DDX60L: variants seen among roughly 807,000 people sequenced by gnomAD.
DDX60L encodes DExD/H-box 60 like, also known as probable ATP-dependent RNA helicase DDX60-like.
Under a neutral mutation model 211.6 loss-of-function variants are expected in DDX60L, and 191 were observed. That is an observed-to-expected ratio of 0.90 (90% CI 0.80 to 1.02). The LOEUF (loss-of-function observed/expected upper bound fraction) is 1.02. Among genes scored for constraint, DDX60L ranks in the 50% least tolerant of loss-of-function variants. The pLI is 0.00. For missense variants in DDX60L, 2,007 were observed against 1,984.1 expected, an observed-to-expected ratio of 1.01 and a Z score of -0.22; for synonymous variants, 706 against 694.1, an observed-to-expected ratio of 1.02 and a Z score of -0.27.
chr4:168,401,140 A>G (rs1746727799), intron 25 of DDX60L, among the ~76,000 whole-genome samples, 162 bp from the exon 26 acceptor site: 1 of 152,194 alleles, frequency 6.6e-6, no homozygotes, highest in African/African-American at 2.4e-5. Context: ...CCCGATGGGA[A>G]GTAGGGGTTC....
Position 168,420,283 on chromosome 4 carries a change from C to T in DDX60L, c.2492G>A (p.Cys831Tyr), listed in dbSNP as rs75529711. 1.2e-3 allele frequency: 1,896 copies of T among 1,603,576 alleles called. 11 individuals carry two copies. The African/African-American group carries it at 0.021, about 18-fold the overall frequency. Reference protein sequence around the residue: ...TLCGAFTRDYCHNVLNCQVLI... With the variant: ...TLCGAFTRDYYHNVLNCQVLI... Reference sequence around the variant, plus strand: ...TACCTGACAGTTTAGTACATTGTGACAATAATCTCTTGTAAAAGCACCGCA... The same window carrying T: ...TACCTGACAGTTTAGTACATTGTGATAATAATCTCTTGTAAAAGCACCGCA... The change falls in exon 18 of 38, where the codon TGT (cysteine) becomes TAT (tyrosine). Residue 831 changes from cysteine to tyrosine, a missense_variant. Physicochemically the swap from Cys to Tyr is radical, Grantham distance 194 (BLOSUM62 -2). Coordinates refer to ENST00000682922, the MANE Select transcript of DDX60L (RefSeq NM_001012967.3).
chr4:168,456,505 T>C (rs939985470), intron 6 of DDX60L, among the ~76,000 whole-genome samples: 6 of 152,124 alleles, frequency 3.9e-5, no homozygotes, highest in Non-Finnish European at 7.4e-5. Context: ...AAAACAAAAA[T>C]TAGCTTGTTA....
chr4:168,411,593 T>G (rs1188698031), intron 22 of DDX60L, among the ~76,000 whole-genome samples: 1 of 152,148 alleles, frequency 6.6e-6, no homozygotes, highest in Non-Finnish European at 1.5e-5. Context: ...TGGGTAATTC[T>G]GAAACTGGCA....
Position 168,449,652 on chromosome 4 carries a change from CA to C in DDX60L, c.997-874del. Among the ~76,000 whole-genome samples, 8 of 7,934 alleles carry C rather than the reference CA, an allele frequency of 1.0e-3. 1 individual carries two copies. The highest frequency in any genetic ancestry group is 1.8e-3 in the Non-Finnish European group (8 of 4,434). 5.2% of individuals were successfully genotyped at this position (7,934 alleles called of 152,430 possible). A position where few individuals can be genotyped will look rare whatever the true frequency, so the allele number is the denominator to read the frequency against. On this transcript the variant is annotated intron_variant, in intron 8 of 37. Coordinates refer to ENST00000682922, the MANE Select transcript of DDX60L (RefSeq NM_001012967.3). ...AACATTAAAACAAAAAAAAAAAATG[CA>C]AAAAAAAAAAAAGAAAAAAGAAAAA... is the stretch of plus-strand genomic sequence containing the variant.
At position 168,454,758 on chromosome 4, in the gene DDX60L, C is replaced by CTTTTTTTTTTTTTTTTT. The variant is rs767461447; in HGVS notation, c.837+1264_837+1280dup. On this transcript the variant is annotated intron_variant, in intron 7 of 37. Coordinates refer to ENST00000682922, the MANE Select transcript of DDX60L (RefSeq NM_001012967.3). ...GTGCTCCCGAAGAGTAAACAGCTTC[C>CTTTTTTTTTTTTTTTTT]TTTTTTTTTTTTTTTTTTTTTAGCA... Among the ~76,000 whole-genome samples, 249 of 88,614 alleles carry CTTTTTTTTTTTTTTTTT rather than the reference C, an allele frequency of 2.8e-3. 45 individuals carry two copies. The highest frequency in any genetic ancestry group is 0.011 in the African/African-American group (224 of 20,664). 58.1% of individuals were successfully genotyped at this position (88,614 alleles called of 152,430 possible).
intron 28 of DDX60L, among the ~76,000 whole-genome samples, chr4:168,391,972 C>A (rs566071645): frequency 6.6e-6 from 1 of 152,314 alleles, no homozygotes; most frequent in African/African-American, 2.4e-5. Context: ...CTTGTCCCCC[C>A]AAGACCTTAA....
At position 168,415,716 on chromosome 4, in the gene DDX60L, T is replaced by C. The variant is rs1176159161; in HGVS notation, c.2810A>G (p.Lys937Arg). The C allele has an allele frequency of 2.5e-6, 4 of 1,603,950 alleles. No homozygotes were observed. Among genetic ancestry groups the C allele is most frequent in the East Asian group, 4.5e-5 (2 of 44,428 alleles). ...EKCISEKQAD[K>R]CLNFLQDHSY... The stretch of plus-strand genomic sequence containing the variant: ...ATGGTCTTGGAGAAAGTTGAGACAT[T>C]TGTCAGCCTGTTTTTCAGAAATACA... The change falls in exon 21 of 38, where the codon AAA becomes AGA. Residue 937 changes from lysine (K) to arginine (R), a missense_variant. Physicochemically the swap from Lys to Arg is conservative, Grantham distance 26 (BLOSUM62 2). Coordinates refer to ENST00000682922, the MANE Select transcript of DDX60L (RefSeq NM_001012967.3).
chr4:168,396,041 A>G lies in DDX60L; in HGVS notation c.3575T>C (p.Leu1192Pro). 1.2e-6 allele frequency: 2 copies of G among 1,608,018 alleles called. No individual in the cohort carries two copies. Among genetic ancestry groups the G allele is most frequent in the Non-Finnish European group, 1.7e-6 (2 of 1,175,120 alleles). ...RAEYINFLEN[L>P]KILEISEDCT... ...GTCCTCAGAAATTTCCAGAATCTTC[A>G]GATTCTCCAGGAAATTAATATATTC... The change falls in exon 27 of 38, where the codon CTG (leucine) becomes CCG (proline). Residue 1192 changes from leucine (L) to proline (P), a missense_variant. Transcript: ENST00000682922.
chr4:168,438,244 C>A (rs904375220), intron 10 of DDX60L, among the ~76,000 whole-genome samples: 1 of 152,186 alleles, frequency 6.6e-6, no homozygotes, highest in African/African-American at 2.4e-5. Flanking sequence ...TACCTATAAT[C>A]TGTAAGCCCC....
At chr4:168,362,017 G>A (rs1041930535) in intron 36 of DDX60L, among the ~76,000 whole-genome samples, 1 of 152,230 alleles carries the variant, frequency 6.6e-6, no homozygotes, top group Non-Finnish European at 1.5e-5. Context: ...ACCCACTGGG[G>A]AAAAGGCAGA....
At chr4:168,452,197 A>G (rs1271966784) in intron 8 of DDX60L, among the ~76,000 whole-genome samples, 1 of 152,216 alleles carries the variant, frequency 6.6e-6, no homozygotes, top group Admixed American at 6.5e-5. Flanking sequence ...GACTGGTTTT[A>G]AAATGTCTAT....
Position 168,453,106 on chromosome 4 carries a change from TAAAC to T in DDX60L, c.996+14_996+17del, listed in dbSNP as rs766971875. On this transcript the variant is annotated intron_variant, in intron 8 of 37. Transcript: ENST00000682922. ...TCATCTCTCATGTTCAGACAAAAAA[TAAAC>T]AAAATATGTTTACCATTTTTAAGAA... The T allele has an allele frequency of 6.3e-7, 1 of 1,596,200 alleles. No homozygotes were observed. The highest frequency in any genetic ancestry group is 1.8e-5 in the Admixed American group (1 of 56,982).
At chr4:168,425,721 A>T (rs940291233) in intron 14 of DDX60L, among the ~76,000 whole-genome samples, 2 of 152,142 alleles carry the variant, frequency 1.3e-5, no homozygotes, top group Admixed American at 6.5e-5. Context: ...GTGAGCTAAG[A>T]TCACTCTACT....
rs1749445276 is a variant in DDX60L, at chr4:168,415,742, T to C, written c.2784A>G (p.Lys928=). 6.3e-7 allele frequency: 1 copy of C among 1,595,940 alleles called. No homozygotes were observed. The highest frequency in any genetic ancestry group is 1.1e-5 in the South Asian group (1 of 88,252). Residue 928 remains lysine (K), a synonymous_variant, in exon 21 of 38, where the codon AAA becomes AAG. Transcript: ENST00000682922. ...WKQADKIMEE[K]CISEKQADKC... ...TGTCAGCCTGTTTTTCAGAAATACA[T>C]TTCTCTTCCATAATCTTGTCTGCCT...
chr4:168,399,392 G>A (rs1208615424), intron 26 of DDX60L, among the ~76,000 whole-genome samples: 1 of 152,310 alleles, frequency 6.6e-6, no homozygotes, highest in Non-Finnish European at 1.5e-5. Flanking sequence ...GAAGCTGCTT[G>A]CAGTACGCCT....
At chr4:168,376,242 T>C (rs1741926731) in intron 33 of DDX60L, among the ~76,000 whole-genome samples, 1 of 152,234 alleles carries the variant, frequency 6.6e-6, no homozygotes, top group Non-Finnish European at 1.5e-5. Context: ...CTTAATTTAT[T>C]CATAACCTGT....
chr4:168,430,651 G>A lies in DDX60L; in HGVS notation c.1517-13C>T. 6.7e-7 allele frequency: 1 copy of A among 1,501,978 alleles called. No homozygotes were observed. The highest frequency in any genetic ancestry group is 1.4e-5 in the African/African-American group (1 of 70,862). 93.0% of individuals were successfully genotyped at this position (1,501,978 alleles called of 1,614,324 possible). A position where few individuals can be genotyped will look rare whatever the true frequency, so the allele number is the denominator to read the frequency against. ...TCTCTAGATTGTTCTGAAATAGAAA[G>A]ACTTAAAATGTAAACATGTATTTTA... On this transcript the variant is annotated splice_polypyrimidine_tract_variant and intron_variant, in intron 12 of 37. Coordinates refer to ENST00000682922, the MANE Select transcript of DDX60L (RefSeq NM_001012967.3).
At position 168,384,675 on chromosome 4, in the gene DDX60L, G is replaced by C. The variant is rs971236377; in HGVS notation, c.4053C>G (p.Thr1351=). ...ELRGQFPLSI[T]LVLRLMLLAS... is the part of the protein sequence containing the mutation. ...CCAGCAGCATGAGTCGCAGGACCAG[G>C]GTTATGCTGAGAGGGAACTGTCCTC... Residue 1351 remains threonine, a synonymous_variant, in exon 30 of 38, where the codon ACC becomes ACG. Transcript: ENST00000682922. 2.5e-6 allele frequency: 4 copies of C among 1,613,978 alleles called. No individual in the cohort carries two copies. Among genetic ancestry groups the C allele is most frequent in the Non-Finnish European group, 2.5e-6 (3 of 1,179,970 alleles).
intron 13 of DDX60L, among the ~76,000 whole-genome samples, chr4:168,428,210 G>T (rs1373760875): frequency 6.6e-6 from 1 of 152,238 alleles, no homozygotes; most frequent in Non-Finnish European, 1.5e-5. Context: ...GAGGAGGTTA[G>T]GTCTGTGGGC....
Sources: allele counts gnomAD v4.1 joint callset (sites outside exome capture counted in the v4.1 genomes callset), GRCh38; gene constraint gnomAD v4.1.1; transcripts MANE v1.5; gene names NCBI Gene and HGNC (gene_info 2026-07-23, HGNC 2026-07-21).